The following PID1 variants were observed in gnomAD, a reference collection of about 807,000 sequenced individuals.
The protein encoded by PID1 is PTB-containing, cubilin and LRP1-interacting protein.
Under a neutral mutation model 19.1 loss-of-function variants are expected in PID1, and 10 were observed. That is an observed-to-expected ratio of 0.52 (90% CI 0.32 to 0.89). PID1 has a LOEUF of 0.89. PID1 is among the 40% of genes least tolerant of loss of function. The pLI is 0.03. For synonymous variants in PID1, 130 were observed against 116.0 expected (o/e 1.12, Z -0.78); for missense variants, 248 against 285.3 (o/e 0.87, Z 0.94).
intron 2 of PID1, among the ~76,000 whole-genome samples, chr2:229,118,332 A>T (rs78727457): frequency 0.032 from 4,888 of 152,254 alleles, 256 homozygotes; most frequent in African/African-American, 0.11. Flanking sequence ...GAGAAGCATA[A>T]GTATATTACT....
intron 1 of PID1, among the ~76,000 whole-genome samples, chr2:229,223,657 G>A (rs779474167): frequency 6.6e-6 from 1 of 152,178 alleles, no homozygotes; most frequent in Non-Finnish European, 1.5e-5. Flanking sequence ...GGCTCCTACT[G>A]GGCTACAACA....
intron 2 of PID1, among the ~76,000 whole-genome samples, chr2:229,104,852 A>T (rs1023561982): frequency 1.6e-4 from 24 of 152,286 alleles, no homozygotes; most frequent in African/African-American, 5.5e-4. Flanking sequence ...CACCTGGCAC[A>T]TAAGGAGGCA....
chr2:229,140,784 T>C (rs1689995355), intron 2 of PID1, among the ~76,000 whole-genome samples: 1 of 152,132 alleles, frequency 6.6e-6, no homozygotes, highest in Non-Finnish European at 1.5e-5. Context: ...TGTTTTAAAA[T>C]AGTCATAATA....
chr2:229,160,987 C>A (rs1005035544), intron 1 of PID1, among the ~76,000 whole-genome samples: 2 of 152,298 alleles, frequency 1.3e-5, no homozygotes, highest in Admixed American at 1.3e-4. Context: ...TCCACTACTG[C>A]ATGCTGCCTT....
At chr2:229,150,167 GA>G (rs1243527315) in intron 2 of PID1, among the ~76,000 whole-genome samples, 6 of 150,732 alleles carry the variant, frequency 4.0e-5, no homozygotes, top group Non-Finnish European at 7.4e-5. Context: ...CTGGGAGGTG[GA>G]AAGGTTGCAG....
chr2:229,055,521 A>G (rs901950121), intron 2 of PID1, among the ~76,000 whole-genome samples: 2 of 152,312 alleles, frequency 1.3e-5, no homozygotes, highest in South Asian at 4.1e-4. Context: ...CCATTTGATT[A>G]ATCTATATGT....
chr2:229,147,641 G>A (rs139848473), intron 2 of PID1, among the ~76,000 whole-genome samples: 1 of 151,968 alleles, frequency 6.6e-6, no homozygotes, highest in East Asian at 1.9e-4. Context: ...TTTGATGACT[G>A]CATATTTTCC....
chr2:229,236,059 G>C (rs1000159927), intron 1 of PID1, among the ~76,000 whole-genome samples: 1 of 152,122 alleles, frequency 6.6e-6, no homozygotes, highest in African/African-American at 2.4e-5. Context: ...CCTGAGATGT[G>C]AGGCAGCACA....
intron 1 of PID1, among the ~76,000 whole-genome samples, chr2:229,188,970 CCTT>C (rs1376516899): frequency 1.3e-5 from 2 of 152,052 alleles, no homozygotes; most frequent in East Asian, 3.9e-4. Flanking sequence ...GGTAACGGCT[CCTT>C]AAGTGCTCCT....
intron 1 of PID1, among the ~76,000 whole-genome samples, chr2:229,178,615 T>TA (rs534660595): frequency 2.7e-3 from 402 of 150,982 alleles, no homozygotes; most frequent in Middle Eastern, 6.8e-3. Context: ...TAAGCCACAA[T>TA]AAAAAAAAAG....
At chr2:229,135,454 G>C (rs1267865215) in intron 2 of PID1, among the ~76,000 whole-genome samples, 1 of 152,190 alleles carries the variant, frequency 6.6e-6, no homozygotes, top group Non-Finnish European at 1.5e-5. Context: ...AATTCATAGA[G>C]ACAGAATTAC....
chr2:229,107,343 C>T (rs571059950), intron 2 of PID1, among the ~76,000 whole-genome samples: 1 of 152,156 alleles, frequency 6.6e-6, no homozygotes, highest in African/African-American at 2.4e-5. Flanking sequence ...GTGGGAAAGA[C>T]TTCTTAATCT....
intron 2 of PID1, among the ~76,000 whole-genome samples, chr2:229,072,321 G>C (rs1238652231): frequency 6.6e-6 from 1 of 152,180 alleles, no homozygotes; most frequent in Non-Finnish European, 1.5e-5. Flanking sequence ...AGGCGTGGTG[G>C]CTCATGTCTG....
At chr2:229,231,984 G>A in intron 1 of PID1, 1 of 1,550,494 alleles carries the variant, frequency 6.4e-7, no homozygotes, top group East Asian at 2.4e-5. Flanking sequence ...TGTCTTGTGA[G>A]AGCTGCAGCA....
At chr2:229,079,701 T>C (rs575587067) in intron 2 of PID1, among the ~76,000 whole-genome samples, 2 of 152,370 alleles carry the variant, frequency 1.3e-5, no homozygotes, top group African/African-American at 2.4e-5. Context: ...AATAGTGGCA[T>C]GGAAAGATGT....
intron 1 of PID1, among the ~76,000 whole-genome samples, chr2:229,254,163 A>C (rs977033544): frequency 1.3e-5 from 2 of 152,152 alleles, no homozygotes; most frequent in African/African-American, 4.8e-5. Flanking sequence ...GAACAACAAC[A>C]ACAAAAAAAC....
chr2:229,139,045 G>GAT (rs1689932925), intron 2 of PID1, among the ~76,000 whole-genome samples: 1 of 67,762 alleles, frequency 1.5e-5, no homozygotes, highest in Non-Finnish European at 3.3e-5. Flanking sequence ...GAAAGAGAAA[G>GAT]AAAGAAAGAA....
intron 1 of PID1, among the ~76,000 whole-genome samples, chr2:229,235,909 G>A (rs1425671124): frequency 6.6e-6 from 1 of 152,190 alleles, no homozygotes; most frequent in Non-Finnish European, 1.5e-5. Flanking sequence ...CCTATGGCCA[G>A]CTGGACGCAA....
At chr2:229,083,281 A>T (rs1168186134) in intron 2 of PID1, among the ~76,000 whole-genome samples, 5 of 152,220 alleles carry the variant, frequency 3.3e-5, no homozygotes, top group Non-Finnish European at 5.9e-5. Context: ...TGGCTAATGT[A>T]TACCAAGTAA....
Sources: gnomAD v4.1 joint callset for allele counts (sites outside exome capture counted in the v4.1 genomes callset) on GRCh38, gnomAD v4.1.1 for gene constraint, MANE v1.5 for transcripts, NCBI Gene and HGNC (gene_info 2026-07-23, HGNC 2026-07-21) for gene names.